MME: variants seen among roughly 807,000 people sequenced by gnomAD.
The protein encoded by MME is neprilysin.
MME carries 98 observed loss-of-function variants against 113.2 expected under a neutral mutation model. The ratio of observed to expected loss-of-function variants is 0.87; its 90% CI spans 0.74 to 1.02. The LOEUF (loss-of-function observed/expected upper bound fraction) is 1.02, where lower values mean the gene tolerates loss of function less well. Ranked by LOEUF, MME falls within the 50% of genes least tolerant of loss-of-function variation. The probability of loss-of-function intolerance (pLI) is 0.00; values close to 1 mark genes in which losing one functional copy is unlikely to be tolerated. For missense variants in MME, 836 were observed against 896.0 expected, an observed-to-expected ratio of 0.93 and a Z score of 0.86; for synonymous variants, 292 against 300.6, an observed-to-expected ratio of 0.97 and a Z score of 0.30.
chr3:155,153,379 G>T (rs987266322), intron 16 of MME, among the ~76,000 whole-genome samples: 1 of 152,060 alleles, frequency 6.6e-6, no homozygotes, highest in Non-Finnish European at 1.5e-5. Flanking sequence ...TGTCTTTTAA[G>T]GATTTTGCGC....
chr3:155,139,758 T>C (rs183038175), intron 9 of MME, among the ~76,000 whole-genome samples: 1 of 152,184 alleles, frequency 6.6e-6, no homozygotes, highest in Non-Finnish European at 1.5e-5. Flanking sequence ...GCACCTTTTT[T>C]TCCTTGCTGA....
intron 4 of MME, 111 bp downstream of exon 4, chr3:155,115,266 A>G (rs2108251920): frequency 7.4e-7 from 1 of 1,351,982 alleles, no homozygotes; most frequent in Non-Finnish European, 1.0e-6. Flanking sequence ...TAAAAAGTTA[A>G]TAATCCTTCC....
intron 3 of MME, among the ~76,000 whole-genome samples, chr3:155,089,410 C>CTAGA (rs1162181159): frequency 3.9e-5 from 6 of 152,136 alleles, no homozygotes; most frequent in Non-Finnish European, 8.8e-5. Context: ...TATTTTTGTG[C>CTAGA]TAGATAATTC....
intron 1 of MME, among the ~76,000 whole-genome samples, chr3:155,041,433 A>C (rs1362293431): frequency 6.6e-6 from 1 of 152,224 alleles, no homozygotes; most frequent in African/African-American, 2.4e-5. Context: ...TACCGTAATA[A>C]ACTAAAATTA....
chr3:155,088,054 AT>A (rs1715917696), intron 3 of MME, among the ~76,000 whole-genome samples: 1 of 152,214 alleles, frequency 6.6e-6, no homozygotes, highest in Admixed American at 6.5e-5. Context: ...AGGTTGCTGT[AT>A]AGCTGTATAT....
intron 1 of MME, among the ~76,000 whole-genome samples, chr3:155,065,297 C>T (rs1166941371): frequency 6.6e-6 from 1 of 152,170 alleles, no homozygotes; most frequent in Non-Finnish European, 1.5e-5. Context: ...CTTCCTCTCT[C>T]CCTTACTAGA....
intron 1 of MME, among the ~76,000 whole-genome samples, chr3:155,064,776 C>G (rs568383551): frequency 6.4e-4 from 97 of 152,270 alleles, no homozygotes; most frequent in Non-Finnish European, 1.2e-3. Context: ...CCTCACCAGT[C>G]CGGAGATTAG....
intron 8 of MME, among the ~76,000 whole-genome samples, chr3:155,131,665 C>T (rs1720157186): frequency 6.6e-6 from 1 of 152,020 alleles, no homozygotes; most frequent in African/African-American, 2.4e-5. Flanking sequence ...TGATGAAAGC[C>T]CCAAACAGTC....
At chr3:155,117,592 TTTTTTTG>T (rs1359751379) in intron 7 of MME, among the ~76,000 whole-genome samples, 5 of 91,540 alleles carry the variant, frequency 5.5e-5, no homozygotes, top group Non-Finnish European at 7.8e-5. Flanking sequence ...TCTTCCTTTT[TTTTTTTG>T]TTTTTTTTTT....
chr3:155,153,443 C>T (rs1053528749), intron 16 of MME, among the ~76,000 whole-genome samples: 1 of 152,020 alleles, frequency 6.6e-6, no homozygotes, highest in Non-Finnish European at 1.5e-5. Context: ...AGTGCTGAAT[C>T]GGGAATATAA....
chr3:155,147,053 A>G, intron 14 of MME, 91 bp from the exon 15 acceptor site: 1 of 816,190 alleles, frequency 1.2e-6, no homozygotes, highest in Non-Finnish European at 2.2e-6. Context: ...AGTATGGATC[A>G]AGTTATTCAA....
chr3:155,175,906 T>A (rs887671710), intron 22 of MME, among the ~76,000 whole-genome samples: 2 of 152,176 alleles, frequency 1.3e-5, no homozygotes, highest in Non-Finnish European at 2.9e-5. Flanking sequence ...TAGATATCAA[T>A]ATAGATTTTA....
intron 1 of MME, among the ~76,000 whole-genome samples, chr3:155,039,222 C>T (rs1713226183): frequency 6.6e-6 from 1 of 152,172 alleles, no homozygotes; most frequent in Non-Finnish European, 1.5e-5. Context: ...GGTGGTTTGA[C>T]AGACGATGTG....
At position 155,070,812 on chromosome 3, in the gene MME, G is replaced by A. The variant is rs539448527; in HGVS notation, c.-10-13346G>A. Among the ~76,000 whole-genome samples the A allele has an allele frequency of 2.6e-5, 4 of 152,182 alleles. No homozygotes were observed. In the South Asian group the frequency reaches 6.2e-4, roughly 24 times the overall value. On this transcript the variant is annotated intron_variant, in intron 1 of 22. Coordinates refer to the MME transcript ENST00000492661. ...TCCTAGTTTTGATTATCTGGAATCC[G>A]CACCTCTGCCAAACATCAGAGTCAG...
chr3:155,086,247 T>C (rs992588336), intron 3 of MME, among the ~76,000 whole-genome samples: 1 of 151,884 alleles, frequency 6.6e-6, no homozygotes, highest in African/African-American at 2.4e-5. Context: ...AATGAATGAA[T>C]TGAGAATGAT....
chr3:155,182,878 A>T lies in MME; in HGVS notation c.*2419A>T, dbSNP rs1355214825. 6.6e-6 allele frequency: 1 copy of T among 152,266 alleles called. No homozygotes were observed. Among genetic ancestry groups the T allele is most frequent in the Non-Finnish European group, 1.5e-5 (1 of 68,064 alleles). The allele number at this position is 152,266 out of a possible 1,614,324, so 9.4% of individuals were successfully genotyped here. On this transcript the variant is annotated 3_prime_UTR_variant, in exon 23 of 23. Transcript: ENST00000360490. ...CACACATCCAGACATCATGAATTTTACATGGTACTCTTGTTGAGTTCTGTA... is the reference window on the plus strand; with the variant it reads ...CACACATCCAGACATCATGAATTTTTCATGGTACTCTTGTTGAGTTCTGTA...
chr3:155,075,135 A>G (rs1714704005), upstream of MME, among the ~76,000 whole-genome samples: 1 of 151,860 alleles, frequency 6.6e-6, no homozygotes, highest in Non-Finnish European at 1.5e-5. Flanking sequence ...AAAATTTATG[A>G]TACTAGATGT....
intron 8 of MME, among the ~76,000 whole-genome samples, chr3:155,126,296 T>C (rs559699628): frequency 1.3e-5 from 2 of 152,252 alleles, no homozygotes; most frequent in South Asian, 4.1e-4. Context: ...ATATTTAGGA[T>C]TGTGTTCTTA....
intron 3 of MME, among the ~76,000 whole-genome samples, chr3:155,114,253 C>T (rs1282683355): frequency 1.3e-5 from 2 of 152,140 alleles, no homozygotes; most frequent in Admixed American, 6.5e-5. Context: ...TTCTCCTCTT[C>T]GTTGGTAATA....
Sources: allele counts gnomAD v4.1 joint callset (sites outside exome capture counted in the v4.1 genomes callset), GRCh38; gene constraint gnomAD v4.1.1; transcripts MANE v1.5; gene names NCBI Gene and HGNC (gene_info 2026-07-23, HGNC 2026-07-21).